GABRB1: variants seen among roughly 807,000 people sequenced by gnomAD.
The protein encoded by GABRB1 is gamma-aminobutyric acid receptor subunit beta-1.
Under a neutral mutation model 51.6 loss-of-function variants are expected in GABRB1, and 17 were observed. The observed-to-expected ratio is 0.33, with a 90% CI of 0.23 to 0.49. The LOEUF (loss-of-function observed/expected upper bound fraction) is 0.49, where lower values mean the gene tolerates loss of function less well. Among genes scored for constraint, GABRB1 ranks in the 20% least tolerant of loss-of-function variants. The pLI is 0.99. For missense variants in GABRB1, 410 were observed against 600.6 expected (o/e 0.68, Z 3.32); for synonymous variants, 247 against 218.9 (o/e 1.13, Z -1.14).
intron 5 of GABRB1, among the ~76,000 whole-genome samples, chr4:47,335,187 C>T (rs1356500855): frequency 6.6e-6 from 1 of 152,110 alleles, no homozygotes; most frequent in Admixed American, 6.6e-5. Flanking sequence ...TGTCTACCTC[C>T]TCTTTACCTT....
intron 4 of GABRB1, among the ~76,000 whole-genome samples, chr4:47,215,185 G>A (rs144621878): frequency 1.0e-3 from 158 of 151,972 alleles, no homozygotes; most frequent in South Asian, 4.2e-3. Context: ...CACAATAATG[G>A]GTGCTATTTA....
At chr4:47,281,006 G>T (rs373523968) in intron 4 of GABRB1, among the ~76,000 whole-genome samples, 1 of 151,858 alleles carries the variant, frequency 6.6e-6, no homozygotes, top group African/African-American at 2.4e-5. Flanking sequence ...TGGTTGACAG[G>T]TATTCTTTTT....
At chr4:47,235,464 G>A (rs184104597) in intron 4 of GABRB1, among the ~76,000 whole-genome samples, 1 of 151,924 alleles carries the variant, frequency 6.6e-6, no homozygotes, top group East Asian at 1.9e-4. Context: ...CAGAAGAATC[G>A]CTTGAACCAG....
chr4:47,132,770 A>C (rs13117312), intron 3 of GABRB1, among the ~76,000 whole-genome samples: 5,829 of 152,304 alleles, frequency 0.038, 145 homozygotes, highest in Non-Finnish European at 0.059. Flanking sequence ...CCTACTGCTA[A>C]ATAGTAAAAC....
intron 3 of GABRB1, among the ~76,000 whole-genome samples, chr4:47,151,526 G>C (rs566257179): frequency 4.6e-5 from 7 of 152,086 alleles, no homozygotes; most frequent in African/African-American, 1.7e-4. Flanking sequence ...GGGTTACCAT[G>C]CATACCACAT....
At chr4:47,087,710 A>G (rs1441638923) in intron 3 of GABRB1, among the ~76,000 whole-genome samples, 1 of 152,180 alleles carries the variant, frequency 6.6e-6, no homozygotes, top group East Asian at 1.9e-4. Context: ...TTTTGGAGAA[A>G]CAGCATAGCA....
intron 5 of GABRB1, among the ~76,000 whole-genome samples, chr4:47,342,112 G>A (rs1227678366): frequency 6.6e-6 from 1 of 152,180 alleles, no homozygotes; most frequent in Non-Finnish European, 1.5e-5. Context: ...ATCCTATGCT[G>A]TCAGTATGTG....
intron 3 of GABRB1, among the ~76,000 whole-genome samples, chr4:47,070,893 T>C (rs578073486): frequency 2.6e-5 from 4 of 152,216 alleles, no homozygotes; most frequent in African/African-American, 4.8e-5. Context: ...ATCTCCAGCA[T>C]GAATTCCAGA....
At chr4:47,318,565 T>A (rs901682268) in intron 4 of GABRB1, among the ~76,000 whole-genome samples, 2 of 152,036 alleles carry the variant, frequency 1.3e-5, no homozygotes, top group Admixed American at 1.3e-4. Flanking sequence ...GCAGGTAGCA[T>A]ATAAGCAGGG....
At chr4:47,369,257 T>G (rs1578127394) in intron 5 of GABRB1, among the ~76,000 whole-genome samples, 1 of 152,098 alleles carries the variant, frequency 6.6e-6, no homozygotes, top group Admixed American at 6.5e-5. Context: ...GGGATGAGGT[T>G]TTTAATCCTG....
intron 3 of GABRB1, among the ~76,000 whole-genome samples, chr4:47,130,324 AC>A (rs1716353014): frequency 8.6e-6 from 1 of 116,634 alleles, no homozygotes; most frequent in Non-Finnish European, 1.7e-5. Context: ...GGCTCCAGAT[AC>A]TGTGTGTGTG....
intron 3 of GABRB1, among the ~76,000 whole-genome samples, chr4:47,141,908 C>T (rs374359599): frequency 1.3e-4 from 19 of 151,960 alleles, no homozygotes; most frequent in South Asian, 1.0e-3. Context: ...TCACCATACC[C>T]CCTCCTTGAA....
intron 3 of GABRB1, among the ~76,000 whole-genome samples, chr4:47,045,190 A>C (rs140487676): frequency 0.016 from 2,438 of 152,192 alleles, 21 homozygotes; most frequent in Non-Finnish European, 0.026. Context: ...TGAGAATGAA[A>C]ATGGGCACTA....
At chr4:47,046,438 TA>T (rs1289840261) in intron 3 of GABRB1, among the ~76,000 whole-genome samples, 1 of 152,088 alleles carries the variant, frequency 6.6e-6, no homozygotes, top group Non-Finnish European at 1.5e-5. Context: ...GAAAGGTTAT[TA>T]AAAATTATAG....
At chr4:47,384,437 A>C (rs1727712889) in intron 5 of GABRB1, among the ~76,000 whole-genome samples, 1 of 151,928 alleles carries the variant, frequency 6.6e-6, no homozygotes, top group African/African-American at 2.4e-5. Flanking sequence ...AAAGGAAAGA[A>C]GGTGAATTTA....
At chr4:47,402,924 T>C (rs1728445290) in intron 5 of GABRB1, among the ~76,000 whole-genome samples, 1 of 152,222 alleles carries the variant, frequency 6.6e-6, no homozygotes, top group Non-Finnish European at 1.5e-5. Flanking sequence ...ATTTAACAAA[T>C]ATGTGCTCAA....
At chr4:47,064,032 T>C (rs1726952267) in intron 3 of GABRB1, among the ~76,000 whole-genome samples, 1 of 152,122 alleles carries the variant, frequency 6.6e-6, no homozygotes, top group Non-Finnish European at 1.5e-5. Context: ...CACATACCCA[T>C]GTATCCCAGA....
intron 5 of GABRB1, among the ~76,000 whole-genome samples, chr4:47,350,216 TATAGAGAGAG>T (rs1192064601): frequency 2.7e-5 from 2 of 73,812 alleles, no homozygotes; most frequent in Non-Finnish European, 4.8e-5. Flanking sequence ...TATATATATA[TATAGAGAGAG>T]AGAGAGAGAG....
chr4:47,015,194 C>A (rs1230927330), intron 1 of GABRB1, among the ~76,000 whole-genome samples: 1 of 152,162 alleles, frequency 6.6e-6, no homozygotes, highest in African/African-American at 2.4e-5. Flanking sequence ...GCGTGAGCCT[C>A]TGTATCTGGC....
Sources: allele counts gnomAD v4.1 joint callset (sites outside exome capture counted in the v4.1 genomes callset), GRCh38; gene constraint gnomAD v4.1.1; transcripts MANE v1.5; gene names NCBI Gene and HGNC (gene_info 2026-07-23, HGNC 2026-07-21).